Variants in GPHN observed in about 807,000 individuals in gnomAD.
GPHN encodes the protein gephyrin.
GPHN carries 17 observed loss-of-function variants against 95.5 expected under a neutral mutation model. The ratio of observed to expected loss-of-function variants is 0.18; its 90% CI spans 0.12 to 0.27. The LOEUF is 0.27. GPHN is among the 10% of genes least tolerant of loss of function. The pLI is 1.00. For synonymous variants in GPHN, 320 were observed against 322.5 expected (o/e 0.99, Z 0.08); for missense variants, 660 against 978.1 (o/e 0.67, Z 4.34).
chr14:67,279,887 T>G, the GPHN span: 1 of 224,566 alleles, frequency 4.5e-6, no homozygotes, highest in African/African-American at 2.2e-5. Flanking sequence ...ATTTCTGATT[T>G]CCTTAAAGTT....
intron 8 of GPHN, among the ~76,000 whole-genome samples, chr14:66,951,230 G>T (rs1447095321): frequency 6.6e-6 from 1 of 151,960 alleles, no homozygotes. Context: ...ATTAAGAAAG[G>T]GATAAAGGGC....
At chr14:66,607,634 C>CT (rs201663288) in intron 1 of GPHN, among the ~76,000 whole-genome samples, 1,875 of 150,260 alleles carry the variant, frequency 0.012, 21 homozygotes, top group Non-Finnish European at 0.018. Flanking sequence ...TAGTCCATGG[C>CT]TTTTTTTTTG....
At chr14:67,078,474 G>A (rs1164625594) in intron 11 of GPHN, among the ~76,000 whole-genome samples, 1 of 152,084 alleles carries the variant, frequency 6.6e-6, no homozygotes, top group Non-Finnish European at 1.5e-5. Flanking sequence ...TGAAGCCTTA[G>A]GATACCTTTC....
the GPHN span, chr14:67,695,938 G>A: frequency 1.7e-5 from 9 of 516,372 alleles, no homozygotes; most frequent in South Asian, 5.6e-5. Flanking sequence ...CTTAGGGCCT[G>A]TGGGATCATT....
At chr14:67,229,482 A>C in the GPHN span, among the ~76,000 whole-genome samples, 1 of 152,170 alleles carries the variant, frequency 6.6e-6, no homozygotes, top group Non-Finnish European at 1.5e-5. Flanking sequence ...GATTATTTTT[A>C]ATAAATGTAA....
In GPHN at chr14:66,922,584, C is replaced by T. The variant is rs551889185; in HGVS notation, c.457-82C>T. ...ATGGAGGAAAATGCAAATCCAAAAT[C>T]ACGAAACAGTTTGATTGCCACCATC... On this transcript the variant is annotated intron_variant, in intron 6 of 22. Transcript: ENST00000478722. The T allele has an allele frequency of 4.2e-5, 47 of 1,129,404 alleles. 1 individual carries two copies. The South Asian group carries it at 6.6e-4, about 16-fold the overall frequency. The allele number at this position is 1,129,404 out of a possible 1,614,324, so 70.0% of individuals were successfully genotyped here.
At chr14:67,565,178 A>G in the GPHN span, among the ~76,000 whole-genome samples, 21 of 152,108 alleles carry the variant, frequency 1.4e-4, no homozygotes, top group Admixed American at 1.4e-3. Flanking sequence ...TCAGGAAACC[A>G]CTGTTCCCCA....
intron 2 of GPHN, among the ~76,000 whole-genome samples, chr14:66,753,535 T>G (rs1266888642): frequency 6.6e-6 from 1 of 152,030 alleles, no homozygotes; most frequent in Admixed American, 6.6e-5. Flanking sequence ...TTAAAGAAAG[T>G]TATATTCTAT....
At chr14:67,504,362 A>G in the GPHN span, among the ~76,000 whole-genome samples, 1 of 152,196 alleles carries the variant, frequency 6.6e-6, no homozygotes, top group Non-Finnish European at 1.5e-5. Flanking sequence ...CCTCATGAGG[A>G]TTAAGTGAGA....
At chr14:67,579,278 C>A in the GPHN span, 2 of 1,576,116 alleles carry the variant, frequency 1.3e-6, no homozygotes, top group South Asian at 1.2e-5. Flanking sequence ...TGCCCTTCAG[C>A]ATCCCCGTGC....
the GPHN span, among the ~76,000 whole-genome samples, chr14:67,599,862 C>T: frequency 6.6e-6 from 1 of 152,188 alleles, no homozygotes; most frequent in Non-Finnish European, 1.5e-5. Context: ...AAGAGCTGTC[C>T]AGCAGCGGAA....
At chr14:66,716,016 T>G (rs2104110) in intron 2 of GPHN, among the ~76,000 whole-genome samples, 47,160 of 151,812 alleles carry the variant, frequency 0.31, 11,124 homozygotes, top group African/African-American at 0.64. Flanking sequence ...CTGTTAAGTC[T>G]GTTTGTTCCA....
intron 9 of GPHN, among the ~76,000 whole-genome samples, chr14:66,968,167 T>C (rs944189766): frequency 4.0e-5 from 6 of 151,886 alleles, no homozygotes; most frequent in African/African-American, 1.4e-4. Context: ...GCATAAAAAT[T>C]TGGGGCCGAG....
At chr14:66,644,093 T>C (rs2064598970) in intron 1 of GPHN, among the ~76,000 whole-genome samples, 1 of 151,994 alleles carries the variant, frequency 6.6e-6, no homozygotes, top group African/African-American at 2.4e-5. Flanking sequence ...TTCATTGGAG[T>C]TTACTTCTAA....
At chr14:67,284,254 A>AT in the GPHN span, among the ~76,000 whole-genome samples, 93 of 152,132 alleles carry the variant, frequency 6.1e-4, no homozygotes, top group African/African-American at 2.1e-3. Flanking sequence ...TTCACATACC[A>AT]TAAAATTTTG....
the GPHN span, among the ~76,000 whole-genome samples, chr14:67,434,072 A>G: frequency 0.014 from 2,191 of 152,324 alleles, 61 homozygotes; most frequent in African/African-American, 0.05. Flanking sequence ...TTTCTATCCA[A>G]AATAGCTAAA....
intron 17 of GPHN, chr14:67,142,934 C>CT (rs1044184671): frequency 4.2e-6 from 1 of 236,848 alleles, no homozygotes; most frequent in African/African-American, 2.3e-5. Flanking sequence ...AGGGCCTCAC[C>CT]TAAGACATTC....
the GPHN span, chr14:67,577,946 G>A: frequency 7.2e-7 from 1 of 1,394,942 alleles, no homozygotes; most frequent in South Asian, 1.3e-5. Flanking sequence ...TGGAGCCCTT[G>A]GAAAATGGCC....
chr14:66,934,463 C>A (rs2066998030), intron 8 of GPHN, among the ~76,000 whole-genome samples: 1 of 152,170 alleles, frequency 6.6e-6, no homozygotes, highest in Admixed American at 6.6e-5. Flanking sequence ...ATTGATTAAA[C>A]CTCCAGTGTA....
Sources: allele counts gnomAD v4.1 joint callset (sites outside exome capture counted in the v4.1 genomes callset), GRCh38; gene constraint gnomAD v4.1.1; transcripts MANE v1.5; gene names NCBI Gene and HGNC (gene_info 2026-07-23, HGNC 2026-07-21).